PTCHD4: variants seen among roughly 807,000 people sequenced by gnomAD.
PTCHD4 encodes the protein patched domain containing 4, also known as patched domain-containing protein 4.
A neutral mutation model predicts 58.1 loss-of-function variants in PTCHD4; 33 were observed. The observed-to-expected ratio is 0.57, with a 90% CI of 0.43 to 0.76. The LOEUF (loss-of-function observed/expected upper bound fraction) is 0.76. PTCHD4 is among the 30% of genes least tolerant of loss of function. The pLI, the probability that PTCHD4 is intolerant of heterozygous loss-of-function variation, is 0.00. For synonymous variants in PTCHD4, 478 were observed against 409.6 expected (o/e 1.17, Z -2.02); for missense variants, 1,058 against 1,027.1 (o/e 1.03, Z -0.41).
intron 4 of PTCHD4, among the ~76,000 whole-genome samples, chr6:47,912,538 ATT>A (rs1222698253): frequency 1.3e-5 from 2 of 152,098 alleles, no homozygotes; most frequent in Admixed American, 6.6e-5. Flanking sequence ...TCCATTTTTC[ATT>A]GTTACCAACT....
chr6:48,052,156 T>C (rs1033246316), intron 3 of PTCHD4, among the ~76,000 whole-genome samples: 8 of 152,066 alleles, frequency 5.3e-5, no homozygotes, highest in Admixed American at 1.3e-4. Context: ...TAGATATCTT[T>C]ATAAATAACA....
chr6:47,958,421 C>T (rs1766953833), intron 4 of PTCHD4, among the ~76,000 whole-genome samples: 1 of 152,242 alleles, frequency 6.6e-6, no homozygotes, highest in Non-Finnish European at 1.5e-5. Flanking sequence ...AAAATATGGG[C>T]ATCAGACAAC....
chr6:47,891,676 A>G (rs530012762), intron 4 of PTCHD4, among the ~76,000 whole-genome samples: 12 of 152,272 alleles, frequency 7.9e-5, no homozygotes, highest in African/African-American at 2.6e-4. Context: ...ATTCTCTTCC[A>G]AATCATCTAA....
chr6:47,946,101 T>C (rs1404084213), intron 4 of PTCHD4, among the ~76,000 whole-genome samples: 1 of 152,082 alleles, frequency 6.6e-6, no homozygotes, highest in Non-Finnish European at 1.5e-5. Context: ...CTTTGAAATT[T>C]GTTGAATCTT....
intron 4 of PTCHD4, chr6:47,890,928 C>T (rs1440202208): frequency 1.0e-6 from 1 of 982,474 alleles, no homozygotes; most frequent in Non-Finnish European, 1.2e-6. Context: ...TGAATATGGG[C>T]CGTTCACTGT....
At chr6:47,896,580 T>G (rs779516800) in intron 4 of PTCHD4, among the ~76,000 whole-genome samples, 1 of 152,232 alleles carries the variant, frequency 6.6e-6, no homozygotes, top group Non-Finnish European at 1.5e-5. Context: ...CATGAAAATG[T>G]AAATACTCCT....
intron 3 of PTCHD4, among the ~76,000 whole-genome samples, chr6:48,038,571 C>T (rs1763731299): frequency 6.7e-6 from 1 of 148,278 alleles, no homozygotes; most frequent in African/African-American, 2.5e-5. Context: ...ACCCGGGAGA[C>T]AGAGGTTGCA....
chr6:47,933,525 C>G (rs969729099), intron 4 of PTCHD4, among the ~76,000 whole-genome samples: 1 of 152,100 alleles, frequency 6.6e-6, no homozygotes, highest in African/African-American at 2.4e-5. Context: ...CAATAAGGAA[C>G]CAAAAACATT....
intron 3 of PTCHD4, among the ~76,000 whole-genome samples, chr6:48,049,671 C>T (rs1764162651): frequency 6.6e-6 from 1 of 151,942 alleles, no homozygotes; most frequent in African/African-American, 2.4e-5. Flanking sequence ...GCAAGTAGTG[C>T]TTGCATCCAT....
intron 4 of PTCHD4, among the ~76,000 whole-genome samples, chr6:48,005,735 CAT>C (rs1762409266): frequency 6.6e-6 from 1 of 152,164 alleles, no homozygotes; most frequent in African/African-American, 2.4e-5. Context: ...TTGAGGATAA[CAT>C]ATACTTTAAA....
In PTCHD4 at chr6:47,912,979, T is replaced by A. The variant is rs145943800; in HGVS notation, c.899-33043A>T. 3.1e-3 allele frequency among the ~76,000 whole-genome samples: 467 copies of A among 152,256 alleles called. 1 individual carries two copies. The highest frequency in any genetic ancestry group is 4.9e-3 in the Non-Finnish European group (334 of 67,998). ...TCAAGATGAGAGTGAGAATCTCTCTTAAAAGTCATCTTAGACAGTCATCTC... is the reference window on the plus strand; with the variant it reads ...TCAAGATGAGAGTGAGAATCTCTCTAAAAAGTCATCTTAGACAGTCATCTC... On this transcript the variant is annotated intron_variant, in intron 4 of 4. Coordinates refer to ENST00000339488, the MANE Select transcript of PTCHD4 (RefSeq NM_001384253.1).
In PTCHD4 at chr6:47,879,530, C is replaced by A; in HGVS notation, c.1305G>T (p.Thr435=). ...DGHQQTSHHE[T]NPYQHHFIQH... ...GAATGAAGTGGTGCTGGTAGGGGTTCGTCTCATGATGGGACGTCTGTTGAT... is the reference window on the plus strand; with the variant it reads ...GAATGAAGTGGTGCTGGTAGGGGTTAGTCTCATGATGGGACGTCTGTTGAT... The change falls in exon 5 of 5, where the codon ACG becomes ACT. Residue 435 remains threonine (T), a synonymous_variant. Transcript: ENST00000339488. The A allele has an allele frequency of 6.2e-7, 1 of 1,613,730 alleles. No homozygotes were observed. Among genetic ancestry groups the A allele is most frequent in the Non-Finnish European group, 8.5e-7 (1 of 1,179,770 alleles).
intron 1 of PTCHD4, among the ~76,000 whole-genome samples, chr6:48,090,974 G>A (rs1032333385): frequency 5.3e-5 from 8 of 152,004 alleles, no homozygotes; most frequent in Admixed American, 2.6e-4. Flanking sequence ...ACCTGAAATC[G>A]CTTTTTCTAT....
intron 4 of PTCHD4, among the ~76,000 whole-genome samples, chr6:47,983,576 CA>C (rs1384922177): frequency 3.9e-5 from 6 of 152,068 alleles, no homozygotes; most frequent in African/African-American, 1.4e-4. Flanking sequence ...TTTTATAGTG[CA>C]ACCATATGAC....
intron 3 of PTCHD4, among the ~76,000 whole-genome samples, chr6:48,065,695 T>G (rs536469265): frequency 6.6e-6 from 1 of 152,332 alleles, no homozygotes; most frequent in African/African-American, 2.4e-5. Flanking sequence ...TGCATGAGAT[T>G]GTGTTTGAAC....
chr6:47,974,762 T>C lies in PTCHD4; in HGVS notation c.898+33872A>G, dbSNP rs372602707. Among the ~76,000 whole-genome samples the C allele has an allele frequency of 1.1e-3, 172 of 152,358 alleles. 1 individual carries two copies. In the South Asian group the frequency reaches 0.033, roughly 30 times the overall value. On this transcript the variant is annotated intron_variant, in intron 4 of 4. Transcript: ENST00000339488. ...TTCATTCTTAATTGTGTTTAACATA[T>C]GCTAATATTAACACTGATTTTTATT...
At chr6:47,959,477 G>A (rs1203286203) in intron 4 of PTCHD4, among the ~76,000 whole-genome samples, 1 of 152,128 alleles carries the variant, frequency 6.6e-6, no homozygotes, top group African/African-American at 2.4e-5. Flanking sequence ...GGAATCCCTG[G>A]ATAGGAATGG....
At chr6:47,951,270 A>G (rs1276061542) in intron 4 of PTCHD4, among the ~76,000 whole-genome samples, 2 of 152,212 alleles carry the variant, frequency 1.3e-5, no homozygotes, top group Non-Finnish European at 2.9e-5. Flanking sequence ...GGGTTAGTAT[A>G]TAGGGAGACT....
chr6:48,100,053 C>T (rs1203085624), intron 1 of PTCHD4, among the ~76,000 whole-genome samples: 1 of 151,962 alleles, frequency 6.6e-6, no homozygotes, highest in East Asian at 1.9e-4. Flanking sequence ...ATAGTGAAAG[C>T]AAATAATTAC....
Sources: allele counts gnomAD v4.1 joint callset (sites outside exome capture counted in the v4.1 genomes callset), GRCh38; gene constraint gnomAD v4.1.1; transcripts MANE v1.5; gene names NCBI Gene and HGNC (gene_info 2026-07-23, HGNC 2026-07-21).